Variants in MAP2K5 observed in about 807,000 individuals in gnomAD.
MAP2K5 encodes the protein mitogen-activated protein kinase kinase 5, also known as dual specificity mitogen-activated protein kinase kinase 5.
In MAP2K5, 49 loss-of-function variants were observed where a neutral mutation model predicts 83.1. The observed-to-expected ratio is 0.59, with a 90% CI of 0.47 to 0.75. MAP2K5 has a LOEUF of 0.75. MAP2K5 is among the 30% of genes least tolerant of loss of function. The pLI is 0.00. For synonymous variants in MAP2K5, 202 were observed against 191.8 expected, an observed-to-expected ratio of 1.05 and a Z score of -0.44; for missense variants, 457 against 557.5, an observed-to-expected ratio of 0.82 and a Z score of 1.82.
At position 67,563,178 on chromosome 15, in the gene MAP2K5, G is replaced by A. The variant is rs2140965358; in HGVS notation, c.185-105G>A. 1.6e-6 allele frequency: 2 copies of A among 1,248,640 alleles called. No individual in the cohort carries two copies. The highest frequency in any genetic ancestry group is 2.0e-5 in the South Asian group (1 of 50,262). The allele number at this position is 1,248,640 out of a possible 1,614,324, so 77.3% of individuals were successfully genotyped here. A position where few individuals can be genotyped will look rare whatever the true frequency, so the allele number is the denominator to read the frequency against. On this transcript the variant is annotated intron_variant, in intron 2 of 21. Coordinates refer to ENST00000178640, the MANE Select transcript of MAP2K5 (RefSeq NM_145160.3). This position sits in a 1 kb window ranked among gnomAD's most constrained non-coding sequence, Gnocchi z 4.5. ...TGTCAACATACCCCCAAAATGTGGTGTTGAGGGTTAGAATATCACATTGTA... is the reference window on the plus strand; with the variant it reads ...TGTCAACATACCCCCAAAATGTGGTATTGAGGGTTAGAATATCACATTGTA...
In MAP2K5 at chr15:67,638,775, T is replaced by A. The variant is rs1300702322; in HGVS notation, c.586-7456T>A. Among the ~76,000 whole-genome samples, 1 of 152,222 alleles carries A rather than the reference T, an allele frequency of 6.6e-6. No homozygotes were observed. Among genetic ancestry groups the A allele is most frequent in the East Asian group, 1.9e-4 (1 of 5,200 alleles). ...TTAGTAATAGCCATTCTGACTGATG[T>A]GAGATGGTATCTCATTGTGGTTTTG... On this transcript the variant is annotated intron_variant, in intron 9 of 21. Transcript: ENST00000178640. This position sits in a 1 kb window ranked among gnomAD's most constrained non-coding sequence, Gnocchi z 4.5.
chr15:67,748,694 A>G lies in MAP2K5; in HGVS notation c.1134+93A>G, dbSNP rs1238591478. ...GTTTCCTAATGAAGCACAATGCCCA[A>G]CATCCTTGGAGCAAGTTGTGTTGTA... On this transcript the variant is annotated intron_variant, in intron 19 of 21. Transcript: ENST00000178640. The surrounding 1 kb of genome is among the most constrained non-coding windows in gnomAD (Gnocchi z 4.0). The G allele has an allele frequency of 9.1e-6, 11 of 1,203,254 alleles. No individual in the cohort carries two copies. The highest frequency in any genetic ancestry group is 4.5e-5 in the African/African-American group (3 of 66,390). The allele number at this position is 1,203,254 out of a possible 1,614,324, so 74.5% of individuals were successfully genotyped here.
Position 67,652,749 on chromosome 15 carries a change from T to C in MAP2K5, c.737-5804T>C, listed in dbSNP as rs2086982105. ...CCATCCATCTGCAGAACTCTTTTTG[T>C]CTTGCAAAACTGAAACTCTATACCT... On this transcript the variant is annotated intron_variant, in intron 11 of 21. Coordinates refer to ENST00000178640, the MANE Select transcript of MAP2K5 (RefSeq NM_145160.3). The surrounding 1 kb of genome is among the most constrained non-coding windows in gnomAD (Gnocchi z 4.2). Among the ~76,000 whole-genome samples, 1 of 152,186 alleles carries C rather than the reference T, an allele frequency of 6.6e-6. No individual in the cohort carries two copies. The highest frequency in any genetic ancestry group is 2.4e-5 in the African/African-American group (1 of 41,454).
intron 15 of MAP2K5, among the ~76,000 whole-genome samples, chr15:67,694,177 G>T (rs1004338725): frequency 6.6e-6 from 1 of 152,044 alleles, no homozygotes; most frequent in African/African-American, 2.4e-5. Flanking sequence ...CTTGGCTTTT[G>T]AGTAAGGGAA....
In MAP2K5 at chr15:67,738,261, C is replaced by T. The variant is rs967701067; in HGVS notation, c.1075-9970C>T. Among the ~76,000 whole-genome samples the T allele has an allele frequency of 1.3e-5, 2 of 152,208 alleles. No homozygotes were observed. Among genetic ancestry groups the T allele is most frequent in the African/African-American group, 4.8e-5 (2 of 41,454 alleles). On this transcript the variant is annotated intron_variant, in intron 17 of 21. Coordinates refer to ENST00000178640, the MANE Select transcript of MAP2K5 (RefSeq NM_145160.3). The surrounding 1 kb of genome is among the most constrained non-coding windows in gnomAD (Gnocchi z 4.1). ...TTGTTTTCTGTTCAGAAACAAGTTG[C>T]AGAGAGCACTCTTCTGGGCATAAGG...
chr15:67,550,128 A>AT lies in MAP2K5; in HGVS notation c.184+52dup, dbSNP rs755843834. 1.5e-5 allele frequency: 23 copies of AT among 1,536,716 alleles called. No homozygotes were observed. In the African/African-American group the frequency reaches 2.6e-4, roughly 17 times the overall value. On this transcript the variant is annotated intron_variant, in intron 2 of 21. Coordinates refer to ENST00000178640, the MANE Select transcript of MAP2K5 (RefSeq NM_145160.3). ...TTCTTGACTATTCCTTTCTGCAGTC[A>AT]TTTTTTAAAGGGTTTATGGGTGGCA...
intron 21 of MAP2K5, among the ~76,000 whole-genome samples, chr15:67,789,323 A>G (rs1164009742): frequency 6.6e-6 from 1 of 152,122 alleles, no homozygotes; most frequent in African/African-American, 2.4e-5. Context: ...CTATGTATAC[A>G]TCTTTGTATA....
chr15:67,607,592 C>T (rs2085807800), intron 8 of MAP2K5, among the ~76,000 whole-genome samples: 2 of 152,108 alleles, frequency 1.3e-5, no homozygotes, highest in South Asian at 4.1e-4. Context: ...CAGTTTCCAC[C>T]CGAATTAACT....
intron 9 of MAP2K5, among the ~76,000 whole-genome samples, chr15:67,634,367 C>CAAAAAAAAAAAAAAAAAAAAAAAAAA (rs71142390): frequency 1.6e-4 from 8 of 48,578 alleles, no homozygotes; most frequent in African/African-American, 2.1e-4. Context: ...GACCTCATCT[C>CAAAAAAAAAAAAAAAAAAAAAAAAAA]AAAAAAAAAA....
In MAP2K5 at chr15:67,746,155, C is replaced by T. The variant is rs1285679710; in HGVS notation, c.1075-2076C>T. ...TAGGGCAAACTAGAGACTTTAAGAC[C>T]TCAGTTCATGAGGAAGTTTCCTCCC... is the stretch of plus-strand genomic sequence containing the variant. On this transcript the variant is annotated intron_variant, in intron 17 of 21. Coordinates refer to ENST00000178640, the MANE Select transcript of MAP2K5 (RefSeq NM_145160.3). The surrounding 1 kb of genome is among the most constrained non-coding windows in gnomAD (Gnocchi z 4.1). Among the ~76,000 whole-genome samples, 2 of 152,088 alleles carry T rather than the reference C, an allele frequency of 1.3e-5. No individual in the cohort carries two copies. Among genetic ancestry groups the T allele is most frequent in the African/African-American group, 4.8e-5 (2 of 41,396 alleles).
chr15:67,658,687 T>C lies in MAP2K5; in HGVS notation c.798+73T>C, dbSNP rs2087152819. 3.9e-5 allele frequency: 50 copies of C among 1,279,012 alleles called. No homozygotes were observed. The South Asian group carries it at 5.7e-4, about 15-fold the overall frequency. The allele number at this position is 1,279,012 out of a possible 1,614,324, so 79.2% of individuals were successfully genotyped here. A position where few individuals can be genotyped will look rare whatever the true frequency, so the allele number is the denominator to read the frequency against. On this transcript the variant is annotated intron_variant, in intron 12 of 21. Transcript: ENST00000178640. ...CTAATCAAGCTCATTCTTCTTATAT[T>C]CTCAATGTTTTTTCTTGTTCTTCAA...
Position 67,586,920 on chromosome 15 carries a change from G to A in MAP2K5, c.431+7G>A. The A allele has an allele frequency of 6.2e-7, 1 of 1,614,132 alleles. No homozygotes were observed. Reference sequence around the variant, plus strand: ...ATTCACTTCCAAGCAATAGGTGCGAGCGAGCAAGTAAAGTGTGCCCTTGAT... The same window carrying A: ...ATTCACTTCCAAGCAATAGGTGCGAACGAGCAAGTAAAGTGTGCCCTTGAT... On this transcript the variant is annotated splice_region_variant and intron_variant, in intron 6 of 21. Coordinates refer to ENST00000178640, the MANE Select transcript of MAP2K5 (RefSeq NM_145160.3).
chr15:67,770,901 T>C lies in MAP2K5; in HGVS notation c.1196+1238T>C, dbSNP rs539173407. ...CCAATTAAAAAAATTTTATTAACAC[T>C]GTTTCTATTTATTTAAAATACTTAT... On this transcript the variant is annotated intron_variant, in intron 20 of 21. Coordinates refer to ENST00000178640, the MANE Select transcript of MAP2K5 (RefSeq NM_145160.3). This position sits in a 1 kb window ranked among gnomAD's most constrained non-coding sequence, Gnocchi z 5.0. Among the ~76,000 whole-genome samples, 1 of 152,334 alleles carries C rather than the reference T, an allele frequency of 6.6e-6. No individual in the cohort carries two copies. The highest frequency in any genetic ancestry group is 6.5e-5 in the Admixed American group (1 of 15,300).
At chr15:67,625,858 G>A (rs1380888786) in intron 8 of MAP2K5, among the ~76,000 whole-genome samples, 2 of 152,110 alleles carry the variant, frequency 1.3e-5, no homozygotes, top group Non-Finnish European at 2.9e-5. Context: ...CTTGGAAATA[G>A]GACACCTTTC....
intron 21 of MAP2K5, among the ~76,000 whole-genome samples, chr15:67,803,106 G>C (rs138611362): frequency 1.1e-4 from 16 of 152,374 alleles, no homozygotes; most frequent in African/African-American, 3.8e-4. Context: ...GAGCATGGGA[G>C]CCAGTGGGCA....
rs1234212847 is a variant in MAP2K5 at position 67,640,239 on chromosome 15, T to G, written c.586-5992T>G. 6.6e-6 allele frequency among the ~76,000 whole-genome samples: 1 copy of G among 152,238 alleles called. No homozygotes were observed. The highest frequency in any genetic ancestry group is 1.5e-5 in the Non-Finnish European group (1 of 68,036). ...TGACTGAGTGAATAAATTTTTGTTC[T>G]TCTGTTTGTTCTTTAGTTCATTCAT... On this transcript the variant is annotated intron_variant, in intron 9 of 21. Transcript: ENST00000178640. This position sits in a 1 kb window ranked among gnomAD's most constrained non-coding sequence, Gnocchi z 4.6.
intron 13 of MAP2K5, among the ~76,000 whole-genome samples, chr15:67,688,155 G>T (rs547378796): frequency 6.6e-6 from 1 of 152,214 alleles, no homozygotes; most frequent in Non-Finnish European, 1.5e-5. Flanking sequence ...GAGCCACAGC[G>T]CAAGAGCATA....
chr15:67,611,568 C>A (rs1223624093), intron 8 of MAP2K5, among the ~76,000 whole-genome samples: 1 of 152,260 alleles, frequency 6.6e-6, no homozygotes, highest in East Asian at 1.9e-4. Flanking sequence ...GCGCCAATCA[C>A]AAGCTTCATG....
intron 3 of MAP2K5, among the ~76,000 whole-genome samples, chr15:67,567,481 C>T (rs1411138135): frequency 2.0e-5 from 3 of 151,742 alleles, no homozygotes; most frequent in African/African-American, 7.3e-5. Context: ...TCTCCTGCCT[C>T]AGCCTCCCGA....
Sources: allele counts gnomAD v4.1 joint callset (sites outside exome capture counted in the v4.1 genomes callset), GRCh38; gene constraint gnomAD v4.1.1; non-coding constraint Gnocchi (gnomAD v3.1); transcripts MANE v1.5; gene names NCBI Gene and HGNC (gene_info 2026-07-23, HGNC 2026-07-21).